The following FBXL13 variants were observed in gnomAD, a reference collection of about 807,000 sequenced individuals.
The protein encoded by FBXL13 is F-box and leucine-rich repeat protein 13.
In FBXL13, 67 loss-of-function variants were observed where a neutral mutation model predicts 83.6. The ratio of observed to expected loss-of-function variants is 0.80; its 90% CI spans 0.66 to 0.98. The LOEUF is 0.98. Ranked by LOEUF, FBXL13 falls within the 50% of genes least tolerant of loss-of-function variation. The pLI, the probability that FBXL13 is intolerant of heterozygous loss-of-function variation, is 0.00. For synonymous variants in FBXL13, 272 were observed against 299.5 expected (o/e 0.91, Z 0.95); for missense variants, 822 against 866.5 (o/e 0.95, Z 0.64).
At chr7:102,858,990 TG>T (rs2129452035) in intron 16 of FBXL13, among the ~76,000 whole-genome samples, 1 of 152,330 alleles carries the variant, frequency 6.6e-6, no homozygotes, top group East Asian at 1.9e-4. Flanking sequence ...GTGAGTTTTA[TG>T]GTACATGAAT....
At chr7:102,956,599 T>C (rs1824311641) in intron 8 of FBXL13, among the ~76,000 whole-genome samples, 1 of 152,324 alleles carries the variant, frequency 6.6e-6, no homozygotes, top group Admixed American at 6.5e-5. Context: ...AAATTGTCCC[T>C]GTTTGCAGAT....
intron 11 of FBXL13, among the ~76,000 whole-genome samples, chr7:102,904,352 T>C (rs1266272000): frequency 6.6e-6 from 1 of 152,066 alleles, no homozygotes; most frequent in Non-Finnish European, 1.5e-5. Flanking sequence ...TCAGTTTTCA[T>C]TCTGATTTTA....
chr7:102,912,015 G>C (rs1235848567), intron 11 of FBXL13, among the ~76,000 whole-genome samples: 3 of 152,116 alleles, frequency 2.0e-5, no homozygotes, highest in Admixed American at 2.0e-4. Context: ...CAAGAACCCT[G>C]GGGGAGAAAC....
In FBXL13 at chr7:102,995,712, G is replaced by C. The variant is rs191128032; in HGVS notation, c.496-27595C>G. Among the ~76,000 whole-genome samples, 6 of 151,560 alleles carry C rather than the reference G, an allele frequency of 4.0e-5. No individual in the cohort carries two copies. In the East Asian group the frequency reaches 5.8e-4, roughly 15 times the overall value. ...TGAGGCAGGAGAATCGCTTGATCCC[G>C]GGACGTGGAGGTTGCAGTGAGCTGA... On this transcript the variant is annotated intron_variant, in intron 6 of 19. Transcript: ENST00000313221.
intron 6 of FBXL13, among the ~76,000 whole-genome samples, chr7:102,971,040 A>T (rs1826583866): frequency 6.6e-6 from 1 of 152,244 alleles, no homozygotes. Flanking sequence ...AATACCACAG[A>T]CTAAAATGTT....
intron 1 of FBXL13, among the ~76,000 whole-genome samples, chr7:103,064,372 A>G (rs903000274): frequency 6.6e-6 from 1 of 152,252 alleles, no homozygotes; most frequent in Non-Finnish European, 1.5e-5. Context: ...GACAGCGTAT[A>G]GAATAAGAAT....
chr7:102,989,266 G>C (rs964057568), intron 6 of FBXL13, among the ~76,000 whole-genome samples: 7 of 152,180 alleles, frequency 4.6e-5, no homozygotes, highest in African/African-American at 1.7e-4. Context: ...TAATGAGGCC[G>C]CTTTCTCTGC....
At chr7:102,915,317 TA>T (rs1815627441) in intron 10 of FBXL13, among the ~76,000 whole-genome samples, 1 of 152,130 alleles carries the variant, frequency 6.6e-6, no homozygotes, top group South Asian at 2.1e-4. Context: ...AGGGACATAG[TA>T]GAAGATTTAA....
rs1811363622 is a variant in FBXL13, at chr7:102,890,233, A to G, written c.1009-5921T>C. 2.0e-5 allele frequency among the ~76,000 whole-genome samples: 3 copies of G among 152,256 alleles called. No homozygotes were observed. The South Asian group carries it at 6.2e-4, about 32-fold the overall frequency. ...TTAAAAATTCCTCTCTAAAGGAAAA[A>G]GCAAAATATGTTACCAAGTTAAAAT... On this transcript the variant is annotated intron_variant, in intron 11 of 19. Transcript: ENST00000313221.
intron 6 of FBXL13, chr7:102,988,416 T>A (rs1301370860): frequency 6.6e-6 from 1 of 152,180 alleles, no homozygotes; most frequent in African/African-American, 2.4e-5. Context: ...AGGAAGCCGT[T>A]GTATAGCAGA....
intron 16 of FBXL13, 70 bp downstream of exon 17, chr7:102,877,397 T>C: frequency 7.8e-7 from 1 of 1,274,344 alleles, no homozygotes; most frequent in Non-Finnish European, 1.1e-6. Context: ...CTCTCCATTA[T>C]TTACAAAATA....
chr7:103,001,971 A>T (rs568457726), intron 6 of FBXL13, among the ~76,000 whole-genome samples: 1 of 152,198 alleles, frequency 6.6e-6, no homozygotes, highest in East Asian at 1.9e-4. Context: ...CATATATCCT[A>T]TTGGTTCGGT....
At chr7:102,923,128 G>A (rs1817412007) in intron 10 of FBXL13, among the ~76,000 whole-genome samples, 1 of 152,172 alleles carries the variant, frequency 6.6e-6, no homozygotes, top group South Asian at 2.1e-4. Context: ...TGATGTGAAT[G>A]CCTTCTTTCC....
rs75913264 is a variant in FBXL13 at position 102,959,987 on chromosome 7, T to A, written c.724+3546A>T. Among the ~76,000 whole-genome samples the A allele has an allele frequency of 2.6e-5, 4 of 152,244 alleles. No homozygotes were observed. The East Asian group carries it at 7.7e-4, about 29-fold the overall frequency. On this transcript the variant is annotated intron_variant, in intron 8 of 19. Transcript: ENST00000313221. ...GTAAAGTTGTGTATTTTTAATCACA[T>A]ATATAGAAATGTATTTTAGAAAAAC...
chr7:102,942,454 G>GT (rs1233900653), intron 8 of FBXL13: 1 of 848,862 alleles, frequency 1.2e-6, no homozygotes, highest in Admixed American at 2.9e-5. Flanking sequence ...CTACTAGGGG[G>GT]TTTTTACCTC....
intron 1 of FBXL13, among the ~76,000 whole-genome samples, chr7:103,072,086 G>A (rs898963309): frequency 2.6e-5 from 4 of 152,100 alleles, no homozygotes; most frequent in Non-Finnish European, 5.9e-5. Context: ...GGGAGGCTGA[G>A]GCAGGAGAAT....
intron 17 of FBXL13, among the ~76,000 whole-genome samples, chr7:102,837,371 A>G (rs1033084338): frequency 1.1e-4 from 16 of 152,222 alleles, no homozygotes; most frequent in African/African-American, 3.4e-4. Context: ...GAACTCTGAA[A>G]GGGAAAGGGG....
chr7:103,039,509 C>T (rs574885705), intron 2 of FBXL13, among the ~76,000 whole-genome samples: 2 of 152,168 alleles, frequency 1.3e-5, no homozygotes, highest in Admixed American at 1.3e-4. Flanking sequence ...AGAGCAACTC[C>T]AAGACACATA....
At chr7:102,833,425 G>A (rs989548712) in intron 17 of FBXL13, among the ~76,000 whole-genome samples, 6 of 150,138 alleles carry the variant, frequency 4.0e-5, no homozygotes, top group Non-Finnish European at 8.9e-5. Context: ...CTATCTTTCT[G>A]AGCCTGTTTC....
Sources: allele counts gnomAD v4.1 joint callset (sites outside exome capture counted in the v4.1 genomes callset), GRCh38; gene constraint gnomAD v4.1.1; transcripts MANE v1.5; gene names NCBI Gene and HGNC (gene_info 2026-07-23, HGNC 2026-07-21).